RAD51: variants seen among roughly 807,000 people sequenced by gnomAD.
RAD51 encodes the protein RAD51 recombinase.
Under a neutral mutation model 41.5 loss-of-function variants are expected in RAD51, and 14 were observed. The ratio of observed to expected loss-of-function variants is 0.34; its 90% CI spans 0.22 to 0.53. The LOEUF (loss-of-function observed/expected upper bound fraction) is 0.53. RAD51 is among the 20% of genes least tolerant of loss of function. The probability of loss-of-function intolerance (pLI) is 0.95; values close to 1 mark genes in which losing one functional copy is unlikely to be tolerated. For missense variants in RAD51, 234 were observed against 422.0 expected (o/e 0.55, Z 3.90); for synonymous variants, 136 against 148.6 (o/e 0.92, Z 0.62).
At chr15:40,720,999 T>C (rs1257528056) in intron 6 of RAD51, among the ~76,000 whole-genome samples, 1 of 152,192 alleles carries the variant, frequency 6.6e-6, no homozygotes, top group Non-Finnish European at 1.5e-5. Flanking sequence ...CTGGCCAGCA[T>C]GGCAAAACCC....
At chr15:40,707,381 A>G (rs1895418829) in intron 4 of RAD51, among the ~76,000 whole-genome samples, 2 of 151,686 alleles carry the variant, frequency 1.3e-5, no homozygotes, top group South Asian at 4.2e-4. Context: ...ATCTCAGCTC[A>G]CTGCAACCTC....
rs1388391378 is a variant in RAD51 at position 40,709,124 on chromosome 15, G to A, written c.435+8G>A. 3.1e-6 allele frequency: 5 copies of A among 1,604,876 alleles called. No individual in the cohort carries two copies. The highest frequency in any genetic ancestry group is 4.3e-6 in the Non-Finnish European group (5 of 1,171,686). On this transcript the variant is annotated splice_region_variant and intron_variant, in intron 5 of 9. Transcript: ENST00000267868. Reference sequence around the variant, plus strand: ...CTAGCTGTCACCTGCCAGGTGAGCTGTTGGGGCTATAGCTAATCAAATAAG... The same window carrying A: ...CTAGCTGTCACCTGCCAGGTGAGCTATTGGGGCTATAGCTAATCAAATAAG...
intron 2 of RAD51, among the ~76,000 whole-genome samples, chr15:40,700,847 C>T (rs967213140): frequency 2.0e-5 from 3 of 151,990 alleles, no homozygotes; most frequent in South Asian, 2.1e-4. Context: ...GCAGGTAATA[C>T]GCCATTTTAT....
At chr15:40,725,192 C>T (rs577207756) in intron 6 of RAD51, among the ~76,000 whole-genome samples, 1 of 152,168 alleles carries the variant, frequency 6.6e-6, no homozygotes, top group Non-Finnish European at 1.5e-5. Context: ...AGCCACCGTG[C>T]CTGGCCTATT....
intron 4 of RAD51, 130 bp from the exon 5 acceptor site, chr15:40,708,895 T>A: frequency 1.2e-6 from 1 of 861,610 alleles, no homozygotes; most frequent in Non-Finnish European, 1.9e-6. Flanking sequence ...TTGTGAAAAA[T>A]TATCGCTTGT....
chr15:40,730,627 T>C (rs983980048), intron 9 of RAD51, among the ~76,000 whole-genome samples: 1 of 145,792 alleles, frequency 6.9e-6, no homozygotes, highest in African/African-American at 2.5e-5. Context: ...GTTCACACCA[T>C]TCTCCTGCCT....
At chr15:40,703,971 A>G (rs750701641) in intron 3 of RAD51, among the ~76,000 whole-genome samples, 32 of 151,704 alleles carry the variant, frequency 2.1e-4, no homozygotes, top group Non-Finnish European at 3.4e-4. Context: ...TGGTGTGATC[A>G]TAGCTCACTG....
chr15:40,705,765 C>T lies in RAD51; in HGVS notation c.226-412C>T, dbSNP rs571756992. Among the ~76,000 whole-genome samples, 12 of 152,174 alleles carry T rather than the reference C, an allele frequency of 7.9e-5. No individual in the cohort carries two copies. The South Asian group carries it at 1.2e-3, about 16-fold the overall frequency. ...GACTTCAGGCACCCGCCACCACGCC[C>T]GACTAATTTTTTGTATTTTTTTAGT... On this transcript the variant is annotated intron_variant, in intron 3 of 9. Transcript: ENST00000267868.
intron 3 of RAD51, among the ~76,000 whole-genome samples, chr15:40,701,569 G>A (rs1359894816): frequency 2.0e-5 from 3 of 151,392 alleles, no homozygotes; most frequent in East Asian, 1.9e-4. Context: ...GAGCTCAGGC[G>A]ATTCACCTAC....
chr15:40,697,428 C>G (rs1275479990), intron 1 of RAD51, among the ~76,000 whole-genome samples: 1 of 151,842 alleles, frequency 6.6e-6, no homozygotes, highest in Admixed American at 6.6e-5. Flanking sequence ...AAATGTAGTT[C>G]AGTTTTCAGT....
At chr15:40,698,636 T>G (rs1388583022) in intron 1 of RAD51, 121 bp from the exon 2 acceptor site, 6 of 898,112 alleles carry the variant, frequency 6.7e-6, no homozygotes, top group Non-Finnish European at 1.1e-5. Context: ...AGAGGCACAA[T>G]AAGAGAATGG....
At chr15:40,708,570 T>C (rs1434889640) in intron 4 of RAD51, among the ~76,000 whole-genome samples, 5 of 151,006 alleles carry the variant, frequency 3.3e-5, no homozygotes, top group African/African-American at 1.2e-4. Flanking sequence ...CAAAATACTT[T>C]TGGTTTATTT....
intron 1 of RAD51, among the ~76,000 whole-genome samples, chr15:40,696,944 TTTTC>T (rs1434110917): frequency 6.6e-6 from 1 of 152,218 alleles, no homozygotes; most frequent in Admixed American, 6.5e-5. Context: ...TCTATTATCT[TTTTC>T]TTACTGATGT....
intron 5 of RAD51, among the ~76,000 whole-genome samples, chr15:40,711,208 A>C (rs1284926324): frequency 6.6e-6 from 1 of 152,208 alleles, no homozygotes; most frequent in Non-Finnish European, 1.5e-5. Context: ...CAGCCTGGGC[A>C]ACATAGTGAG....
rs965152173 is a variant in RAD51 at position 40,718,825 on chromosome 15, A to T, written c.456A>T (p.Gly152=). The part of the protein sequence containing the change: ...VTCQLPIDRG[G]GEGKAMYIDT... ...TATAGCTTCCCATTGACCGGGGTGG[A>T]GGTGAAGGAAAGGCCATGTACATTG... The change falls in exon 6 of 10, where the codon GGA becomes GGT. Residue 152 remains glycine (G), a synonymous_variant. Coordinates refer to ENST00000267868, the MANE Select transcript of RAD51 (RefSeq NM_002875.5). 1.2e-6 allele frequency: 2 copies of T among 1,612,342 alleles called. No individual in the cohort carries two copies. Among genetic ancestry groups the T allele is most frequent in the African/African-American group, 2.7e-5 (2 of 74,942 alleles).
chr15:40,696,136 C>T (rs2141804227), intron 1 of RAD51, among the ~76,000 whole-genome samples: 1 of 152,240 alleles, frequency 6.6e-6, no homozygotes, highest in East Asian at 1.9e-4. Context: ...CCTCTGCCTC[C>T]CAAAGTGCTG....
At chr15:40,720,455 A>G (rs897353020) in intron 6 of RAD51, among the ~76,000 whole-genome samples, 1 of 152,094 alleles carries the variant, frequency 6.6e-6, no homozygotes, top group African/African-American at 2.4e-5. Flanking sequence ...TTCACTATTT[A>G]CATTCAGCAA....
rs1896873167 is a variant in RAD51, at chr15:40,731,484, T to C, written c.*306T>C. The C allele has an allele frequency of 4.7e-6, 2 of 421,142 alleles. No individual in the cohort carries two copies. Among genetic ancestry groups the C allele is most frequent in the Admixed American group, 3.7e-5 (1 of 26,952 alleles). The allele number at this position is 421,142 out of a possible 1,614,324, so 26.1% of individuals were successfully genotyped here. ...GGAATGACTTGGGTTTAACAAGCTGTCTACTGGACAATCTTATGTTTCCAA... is the reference window on the plus strand; with the variant it reads ...GGAATGACTTGGGTTTAACAAGCTGCCTACTGGACAATCTTATGTTTCCAA... On this transcript the variant is annotated 3_prime_UTR_variant, in exon 10 of 10. Coordinates refer to ENST00000267868, the MANE Select transcript of RAD51 (RefSeq NM_002875.5).
In RAD51 at chr15:40,706,174, C is replaced by T. The variant is rs1288760059; in HGVS notation, c.226-3C>T. On this transcript the variant is annotated splice_region_variant and splice_polypyrimidine_tract_variant and intron_variant, in intron 3 of 9. Coordinates refer to ENST00000267868, the MANE Select transcript of RAD51 (RefSeq NM_002875.5). ...TTGATTTAATATTTCTTATTTTTCCCAGGCTGAGGCAGCTAAATTAGTTCC... is the reference window on the plus strand; with the variant it reads ...TTGATTTAATATTTCTTATTTTTCCTAGGCTGAGGCAGCTAAATTAGTTCC... 6.2e-7 allele frequency: 1 copy of T among 1,608,848 alleles called. No homozygotes were observed. The highest frequency in any genetic ancestry group is 8.5e-7 in the Non-Finnish European group (1 of 1,175,448).
Sources: allele counts gnomAD v4.1 joint callset (sites outside exome capture counted in the v4.1 genomes callset), GRCh38; gene constraint gnomAD v4.1.1; transcripts MANE v1.5; gene names NCBI Gene and HGNC (gene_info 2026-07-23, HGNC 2026-07-21).